The following FRMPD4 variants were observed in gnomAD, a reference collection of about 807,000 sequenced individuals.
The protein encoded by FRMPD4 is FERM and PDZ domain containing 4.
Under a neutral mutation model 94.1 loss-of-function variants are expected in FRMPD4, and 22 were observed. That is an observed-to-expected ratio of 0.23 (90% confidence interval 0.17 to 0.33). The LOEUF is 0.33. Ranked by LOEUF, FRMPD4 falls within the 10% of genes least tolerant of loss-of-function variation. FRMPD4 has a pLI of 1.00. For synonymous variants in FRMPD4, 631 were observed against 548.6 expected (o/e 1.15, Z -2.10); for missense variants, 1,111 against 1,339.9 (o/e 0.83, Z 2.67).
At chrX:12,170,744 C>T (rs1368811340) in intron 1 of FRMPD4, among the ~76,000 whole-genome samples, 1 of 112,224 alleles carries the variant, frequency 8.9e-6, no homozygotes, top group African/African-American at 3.2e-5. Flanking sequence ...GGCTCTGGGG[C>T]CTGAGTAAAG....
intron 3 of FRMPD4, among the ~76,000 whole-genome samples, chrX:12,058,712 G>A (rs746777623): frequency 8.1e-5 from 9 of 110,775 alleles, no homozygotes; most frequent in African/African-American, 2.0e-4. Context: ...TGCATTTAGC[G>A]ACTATTTCAT....
intron 1 of FRMPD4, among the ~76,000 whole-genome samples, chrX:12,368,565 T>C (rs1229923899): frequency 9.1e-6 from 1 of 110,311 alleles, no homozygotes; most frequent in Admixed American, 9.7e-5. Flanking sequence ...ATTCAAAACA[T>C]TTAAACATGA....
At chrX:12,198,686 T>A (rs1302543058) in intron 1 of FRMPD4, among the ~76,000 whole-genome samples, 1 of 112,443 alleles carries the variant, frequency 8.9e-6, no homozygotes, top group Non-Finnish European at 1.9e-5. Flanking sequence ...TCTTTGACTC[T>A]CTTAAGGCAT....
intron 2 of FRMPD4, among the ~76,000 whole-genome samples, chrX:12,541,083 TA>T (rs1234810167): frequency 8.9e-6 from 1 of 111,944 alleles, no homozygotes; most frequent in Non-Finnish European, 1.9e-5. Context: ...GGGACACATT[TA>T]AAGCAGTGTG....
chrX:11,946,038 TA>T (rs1433045439), intron 3 of FRMPD4, among the ~76,000 whole-genome samples: 1 of 111,558 alleles, frequency 9.0e-6, no homozygotes, highest in Non-Finnish European at 1.9e-5. Flanking sequence ...TAAAACTGAG[TA>T]AAAATAAAAA....
intron 1 of FRMPD4, among the ~76,000 whole-genome samples, chrX:12,304,499 C>A (rs774598848): frequency 4.5e-5 from 5 of 111,145 alleles, no homozygotes; most frequent in Non-Finnish European, 5.7e-5. Flanking sequence ...GGAGCAAAAT[C>A]ACTCATGGTT....
At chrX:12,405,656 C>T (rs1041467813) in intron 1 of FRMPD4, among the ~76,000 whole-genome samples, 2 of 111,821 alleles carry the variant, frequency 1.8e-5, no homozygotes, top group African/African-American at 6.5e-5. Flanking sequence ...AACCTGTACC[C>T]AGGAGCCTTT....
chrX:12,113,021 T>C (rs1407108489), intron 3 of FRMPD4, among the ~76,000 whole-genome samples: 1 of 111,788 alleles, frequency 8.9e-6, no homozygotes, highest in Non-Finnish European at 1.9e-5. Flanking sequence ...GGGGGAAATA[T>C]ACTCTTGCTT....
chrX:12,015,032 C>T (rs889755703), intron 3 of FRMPD4, among the ~76,000 whole-genome samples: 7 of 110,996 alleles, frequency 6.3e-5, no homozygotes, highest in South Asian at 3.8e-4. Context: ...GAAGAGTGGG[C>T]GAATTCTTTG....
chrX:12,354,899 C>T (rs1228170986), intron 1 of FRMPD4, among the ~76,000 whole-genome samples: 2 of 112,060 alleles, frequency 1.8e-5, no homozygotes, highest in Admixed American at 9.4e-5. Context: ...TAAAATGTAG[C>T]GCAATTAAAG....
chrX:12,260,491 A>C (rs1177680714), intron 1 of FRMPD4, among the ~76,000 whole-genome samples: 2 of 111,558 alleles, frequency 1.8e-5, no homozygotes, highest in East Asian at 5.6e-4. Context: ...GCTAACCATA[A>C]ATTGCCTAGT....
intron 1 of FRMPD4, among the ~76,000 whole-genome samples, chrX:12,474,741 C>T (rs939172301): frequency 9.0e-6 from 1 of 111,599 alleles, no homozygotes; most frequent in East Asian, 2.8e-4. Context: ...GACACATACA[C>T]CCTCCCAAGA....
At chrX:12,084,185 G>GA (rs1233315060) in intron 3 of FRMPD4, among the ~76,000 whole-genome samples, 1 of 96,949 alleles carries the variant, frequency 1.0e-5, no homozygotes, top group Non-Finnish European at 2.1e-5. Context: ...AGTGGGGGGG[G>GA]GGGTAATTGA....
chrX:11,951,399 T>C (rs1318453725), intron 3 of FRMPD4, among the ~76,000 whole-genome samples: 2 of 111,982 alleles, frequency 1.8e-5, no homozygotes, highest in Non-Finnish European at 3.8e-5. Flanking sequence ...TACCATGGAA[T>C]ACTATGCAGC....
At chrX:12,365,507 A>G (rs1210649929) in intron 1 of FRMPD4, among the ~76,000 whole-genome samples, 5 of 111,841 alleles carry the variant, frequency 4.5e-5, no homozygotes, top group Non-Finnish European at 9.4e-5. Flanking sequence ...CCTTGGCTTC[A>G]GTTTTGTGGC....
chrX:12,295,463 A>AT (rs1246022084), intron 1 of FRMPD4, among the ~76,000 whole-genome samples: 3 of 112,471 alleles, frequency 2.7e-5, no homozygotes, highest in Non-Finnish European at 5.6e-5. Context: ...ACTTCATAGA[A>AT]TTTTTGTGAA....
intron 2 of FRMPD4, among the ~76,000 whole-genome samples, chrX:11,874,202 G>A (rs1324271432): frequency 8.9e-6 from 1 of 112,377 alleles, no homozygotes; most frequent in Non-Finnish European, 1.9e-5. Context: ...TCAGGCTGGA[G>A]TGCAGTGGTG....
At chrX:12,116,060 TA>T (rs2055406285) in intron 3 of FRMPD4, among the ~76,000 whole-genome samples, 1 of 112,525 alleles carries the variant, frequency 8.9e-6, no homozygotes, top group African/African-American at 3.2e-5. Context: ...TTGTGACAGA[TA>T]GATCTGGTTA....
At chrX:11,874,369 C>G (rs1286713820) in intron 2 of FRMPD4, among the ~76,000 whole-genome samples, 2 of 111,853 alleles carry the variant, frequency 1.8e-5, no homozygotes, top group Non-Finnish European at 3.8e-5. Flanking sequence ...AGGCTGGTCT[C>G]GAACTCCTGG....
Sources: gnomAD v4.1 joint callset for allele counts (sites outside exome capture counted in the v4.1 genomes callset) on GRCh38, gnomAD v4.1.1 for gene constraint, MANE v1.5 for transcripts, NCBI Gene and HGNC (gene_info 2026-07-23, HGNC 2026-07-21) for gene names.